The following TLN2 variants were observed in gnomAD, a reference collection of about 807,000 sequenced individuals.
TLN2 encodes talin 2.
A neutral mutation model predicts 294.7 loss-of-function variants in TLN2; 118 were observed. That is an observed-to-expected ratio of 0.40 (90% CI 0.34 to 0.47). The LOEUF is 0.47. TLN2 is among the 20% of genes least tolerant of loss of function. The pLI is 0.84. For missense variants in TLN2, 3,083 were observed against 3,282.2 expected (o/e 0.94, Z 1.48); for synonymous variants, 1,431 against 1,304.5 (o/e 1.10, Z -2.09).
intron 3 of TLN2, chr15:62,637,838 A>T (rs2050549601): frequency 6.6e-6 from 1 of 152,362 alleles, no homozygotes; most frequent in Admixed American, 6.5e-5. Context: ...GCAAAGCCGG[A>T]TGCTGGGCTG....
rs1387430705 is a variant in TLN2 at position 62,800,501 on chromosome 15, G to T, written c.6360+8G>T. 2 of 1,613,832 alleles carry T rather than the reference G, an allele frequency of 1.2e-6. No homozygotes were observed. Among genetic ancestry groups the T allele is most frequent in the Non-Finnish European group, 1.7e-6 (2 of 1,179,898 alleles). On this transcript the variant is annotated splice_region_variant and intron_variant, in intron 49 of 58. Transcript: ENST00000636159. Reference sequence around the variant, plus strand: ...CTCAAGGGGGCTGCCAAGGTAGAGTGGGGCTCCGACTGGGGATGAGCACCT... The same window carrying T: ...CTCAAGGGGGCTGCCAAGGTAGAGTTGGGCTCCGACTGGGGATGAGCACCT...
intron 3 of TLN2, among the ~76,000 whole-genome samples, chr15:62,620,140 A>AT (rs1356016788): frequency 1.3e-5 from 2 of 151,406 alleles, no homozygotes; most frequent in Admixed American, 6.6e-5. Context: ...CACACCGGCT[A>AT]TTTTTTTTAT....
chr15:62,580,421 T>TCCCTCCCTCCCTCCCA (rs2044848846), intron 1 of TLN2, among the ~76,000 whole-genome samples: 1 of 96,474 alleles, frequency 1.0e-5, no homozygotes, highest in Non-Finnish European at 2.2e-5. Context: ...CCTCCCTCCC[T>TCCCTCCCTCCCTCCCA]CCCTTCCTTC....
chr15:62,610,756 G>T (rs180824221), intron 2 of TLN2, among the ~76,000 whole-genome samples: 1 of 152,202 alleles, frequency 6.6e-6, no homozygotes, highest in African/African-American at 2.4e-5. Flanking sequence ...GACTGCAAAC[G>T]TGCCAGGAGT....
chr15:62,825,779 ATATTATATATTATAATATATATTATATAT>A lies in TLN2; in HGVS notation c.7002+5173_7002+5201del. Among the ~76,000 whole-genome samples the A allele has an allele frequency of 1.0e-4, 2 of 19,488 alleles. 1 individual carries two copies. The highest frequency in any genetic ancestry group is 2.7e-4 in the African/African-American group (2 of 7,396). The allele number at this position is 19,488 out of a possible 152,430, so 12.8% of individuals were successfully genotyped here. The stretch of plus-strand genomic sequence containing the variant: ...TAATTATAATTATATATTATATAAT[ATATTATATATTATAATATATATTATATAT>A]TATATTATAATATATATTATAATAT... On this transcript the variant is annotated intron_variant, in intron 54 of 58. Transcript: ENST00000636159.
chr15:62,834,699 A>T, intron 55 of TLN2: 1 of 152,210 alleles, frequency 6.6e-6, no homozygotes, highest in South Asian at 2.1e-4. Flanking sequence ...AGCCAGCGGA[A>T]TGCCAACCTT....
chr15:62,728,595 T>C (rs942623373), intron 28 of TLN2, among the ~76,000 whole-genome samples: 2 of 152,194 alleles, frequency 1.3e-5, no homozygotes, highest in African/African-American at 4.8e-5. Context: ...ACTTTAGCCC[T>C]TTTGGTTTGT....
At chr15:62,536,382 C>G (rs1307966618) in intron 1 of TLN2, among the ~76,000 whole-genome samples, 1 of 152,216 alleles carries the variant, frequency 6.6e-6, no homozygotes, top group Admixed American at 6.5e-5. Flanking sequence ...TCCCTTCTCT[C>G]ATCCGTAGGG....
intron 1 of TLN2, among the ~76,000 whole-genome samples, chr15:62,426,088 C>T (rs930072887): frequency 2.0e-5 from 3 of 152,144 alleles, no homozygotes; most frequent in Non-Finnish European, 4.4e-5. Flanking sequence ...ATGGCCCAGC[C>T]GTATCTCACA....
chr15:62,596,142 G>C (rs913259507), intron 2 of TLN2, among the ~76,000 whole-genome samples: 1 of 151,846 alleles, frequency 6.6e-6, no homozygotes, highest in Non-Finnish European at 1.5e-5. Context: ...GCAGGCGCCT[G>C]TAGTCCCAGC....
rs2062194116 is a variant in TLN2, at chr15:62,755,534, C to A, written c.4479C>A (p.Val1493=). ...CAACCTAGCTCCATGCTTTGTAGGT[C>A]CTGTCAGCCGCCACAATTGTTGCCA... ...LVDPGSSPSQ[V]LSAATIVAKH... is the part of the protein sequence containing the mutation. Residue 1493 remains valine (V), a splice_region_variant and synonymous_variant, in exon 37 of 59, where the codon GTC becomes GTA. Transcript: ENST00000636159. 6.2e-7 allele frequency: 1 copy of A among 1,614,066 alleles called. No individual in the cohort carries two copies. The highest frequency in any genetic ancestry group is 8.5e-7 in the Non-Finnish European group (1 of 1,179,940).
At chr15:62,520,289 T>G (rs2040394059) in intron 1 of TLN2, among the ~76,000 whole-genome samples, 1 of 152,204 alleles carries the variant, frequency 6.6e-6, no homozygotes, top group Non-Finnish European at 1.5e-5. Flanking sequence ...GAAGTCTTCA[T>G]TGTTGTACAG....
intron 1 of TLN2, among the ~76,000 whole-genome samples, chr15:62,534,893 C>T (rs1321658272): frequency 6.6e-6 from 1 of 152,158 alleles, no homozygotes; most frequent in East Asian, 1.9e-4. Flanking sequence ...TCTGTTCTTT[C>T]TGCTTCTCTA....
At chr15:62,510,795 G>A (rs1449150134) in intron 1 of TLN2, among the ~76,000 whole-genome samples, 1 of 152,214 alleles carries the variant, frequency 6.6e-6, no homozygotes, top group Non-Finnish European at 1.5e-5. Flanking sequence ...GACTCTCTGA[G>A]AATTAATAGA....
At chr15:62,640,336 C>T (rs187020501) in intron 3 of TLN2, 1 of 456,468 alleles carries the variant, frequency 2.2e-6, no homozygotes, top group Non-Finnish European at 4.4e-6. Flanking sequence ...GAGGCCTTCC[C>T]AGGAGGTCAC....
chr15:62,597,031 T>C (rs1266826519), intron 2 of TLN2, among the ~76,000 whole-genome samples: 1 of 152,180 alleles, frequency 6.6e-6, no homozygotes. Context: ...ATCACGCTGT[T>C]AGTTCTCTCT....
At chr15:62,661,740 GAA>G (rs1343547303) in intron 9 of TLN2, among the ~76,000 whole-genome samples, 1 of 152,082 alleles carries the variant, frequency 6.6e-6, no homozygotes, top group Non-Finnish European at 1.5e-5. Context: ...GAATGACAGA[GAA>G]AAGTTTAAAT....
At chr15:62,549,466 G>A (rs2042169704) in intron 1 of TLN2, among the ~76,000 whole-genome samples, 1 of 119,018 alleles carries the variant, frequency 8.4e-6, no homozygotes, top group Non-Finnish European at 1.8e-5. Flanking sequence ...TCAGAGGCCT[G>A]CCATGCATGC....
intron 2 of TLN2, among the ~76,000 whole-genome samples, chr15:62,604,259 G>A (rs897856527): frequency 1.3e-5 from 2 of 152,120 alleles, no homozygotes; most frequent in African/African-American, 4.8e-5. Flanking sequence ...GCTCTCAACT[G>A]TAATTCAGCA....
Sources: allele counts gnomAD v4.1 joint callset (sites outside exome capture counted in the v4.1 genomes callset), GRCh38; gene constraint gnomAD v4.1.1; transcripts MANE v1.5; gene names NCBI Gene and HGNC (gene_info 2026-07-23, HGNC 2026-07-21).